Variants in PDZD2 observed in about 807,000 individuals in gnomAD.
PDZD2 encodes PDZ domain containing 2, also known as PDZ domain-containing protein 2.
PDZD2 carries 90 observed loss-of-function variants against 220.7 expected under a neutral mutation model. That is an observed-to-expected ratio of 0.41 (90% CI 0.34 to 0.49). PDZD2 has a LOEUF of 0.49. Ranked by LOEUF, PDZD2 falls within the 20% of genes least tolerant of loss-of-function variation. PDZD2 has a pLI of 0.28. For missense variants in PDZD2, 3,174 were observed against 3,608.5 expected, an observed-to-expected ratio of 0.88 and a Z score of 3.08; for synonymous variants, 1,375 against 1,450.5, an observed-to-expected ratio of 0.95 and a Z score of 1.18.
intron 7 of PDZD2, among the ~76,000 whole-genome samples, chr5:32,042,260 TA>T (rs767070006): frequency 2.4e-3 from 182 of 77,086 alleles, no homozygotes; most frequent in Middle Eastern, 0.013. Flanking sequence ...AGACTCTGTC[TA>T]AAAAAAAAAA....
intron 2 of PDZD2, among the ~76,000 whole-genome samples, chr5:31,888,676 C>T (rs1165557940): frequency 6.6e-6 from 1 of 152,180 alleles, no homozygotes; most frequent in Non-Finnish European, 1.5e-5. Flanking sequence ...ATGTCCTAAA[C>T]ACAGAGGGTA....
Position 32,002,671 on chromosome 5 carries a change from AC to A in PDZD2, c.1254+2401del, listed in dbSNP as rs1359929217. On this transcript the variant is annotated intron_variant, in intron 5 of 24. Coordinates refer to ENST00000438447, the MANE Select transcript of PDZD2 (RefSeq NM_178140.4). ...ACCCCACATACTACACACACACACC[AC>A]ACACACACCAACACACACCACACAC... Among the ~76,000 whole-genome samples, 4 of 119,058 alleles carry A rather than the reference AC, an allele frequency of 3.4e-5. No individual in the cohort carries two copies. In the South Asian group the frequency reaches 8.9e-4, roughly 26 times the overall value. 78.1% of individuals were successfully genotyped at this position (119,058 alleles called of 152,430 possible). A position where few individuals can be genotyped will look rare whatever the true frequency, so the allele number is the denominator to read the frequency against.
intron 2 of PDZD2, among the ~76,000 whole-genome samples, chr5:31,865,400 C>T (rs552866282): frequency 6.6e-6 from 1 of 151,828 alleles, no homozygotes; most frequent in Admixed American, 6.6e-5. Context: ...GCAGCCTCGA[C>T]CTCTCAGGCC....
intron 2 of PDZD2, among the ~76,000 whole-genome samples, chr5:31,801,472 G>A (rs1011268467): frequency 1.3e-5 from 2 of 152,178 alleles, no homozygotes; most frequent in Non-Finnish European, 2.9e-5. Flanking sequence ...CATGGAGCTG[G>A]AGATAGTTCT....
At chr5:31,736,041 A>T (rs1167765284) in intron 1 of PDZD2, among the ~76,000 whole-genome samples, 1 of 152,176 alleles carries the variant, frequency 6.6e-6, no homozygotes, top group Non-Finnish European at 1.5e-5. Flanking sequence ...AGGTGGTCCT[A>T]TCTGGGGGCA....
rs1000571528 is a variant in PDZD2 at position 32,046,638 on chromosome 5, T to C, written c.1520-1901T>C. 1.4e-4 allele frequency among the ~76,000 whole-genome samples: 22 copies of C among 152,218 alleles called. 1 individual carries two copies. Among genetic ancestry groups the C allele is most frequent in the African/African-American group, 3.9e-4 (16 of 41,448 alleles). On this transcript the variant is annotated intron_variant, in intron 7 of 24. Transcript: ENST00000438447. The stretch of plus-strand genomic sequence containing the variant: ...ACTGTACTACATTAAAATTTTGAAC[T>C]GTTTTTTCAAAATATACATTAAGAC...
chr5:32,053,126 G>T (rs1738745674), intron 9 of PDZD2, among the ~76,000 whole-genome samples: 1 of 152,228 alleles, frequency 6.6e-6, no homozygotes, highest in Non-Finnish European at 1.5e-5. Flanking sequence ...AGATGGCCAT[G>T]CCCTCTTTGC....
chr5:31,656,366 G>A (rs554157221), intron 1 of PDZD2, among the ~76,000 whole-genome samples: 51 of 152,166 alleles, frequency 3.4e-4, no homozygotes, highest in Non-Finnish European at 5.7e-4. Flanking sequence ...CCTAGCACAT[G>A]TTGCTTTGTT....
intron 2 of PDZD2, among the ~76,000 whole-genome samples, chr5:31,948,199 T>A (rs181011068): frequency 1.4e-4 from 22 of 152,274 alleles, no homozygotes; most frequent in African/African-American, 4.6e-4. Flanking sequence ...GCCCTTTTTG[T>A]GGTGGCTTTC....
At position 32,058,013 on chromosome 5, in the gene PDZD2, G is replaced by T. The variant is rs779453548; in HGVS notation, c.2110G>T (p.Gly704Ter). 1 of 1,612,550 alleles carries T rather than the reference G, an allele frequency of 6.2e-7. No homozygotes were observed. The highest frequency in any genetic ancestry group is 1.1e-5 in the South Asian group (1 of 91,056). Reference sequence around the variant, plus strand: ...CAATACCAGTGGGGGAGCCTCAGCGGGAGGTTCCGATGAAGGCAGTTCTTC... The same window carrying T: ...CAATACCAGTGGGGGAGCCTCAGCGTGAGGTTCCGATGAAGGCAGTTCTTC... ...NFNTSGGASA[G>*]GSDEGSSSSL... is the part of the protein sequence containing the mutation. The change falls in exon 12 of 25, where the codon GGA becomes TGA. Residue 704 changes from glycine (G) to a stop codon, truncating the protein, a stop_gained. Transcript: ENST00000438447. LOFTEE classifies it high-confidence loss of function.
In PDZD2 at chr5:32,089,911, G is replaced by A. The variant is rs767483106; in HGVS notation, c.6463G>A (p.Glu2155Lys). ...SSLPSHASQA[E>K]QEMSRSFSMA... ...ACTCCCATCTCATGCCTCCCAGGCA[G>A]AGCAGGAAATGTCACGATCATTCAG... Residue 2155 changes from glutamate (E) to lysine (K), a missense_variant, in exon 20 of 25, where the codon GAG (glutamate) becomes AAG (lysine). Around this residue, in one of 4 missense-constraint regions of PDZD2, gnomAD observed 1,861 missense variants for 2,001.0 expected, o/e 0.93. Coordinates refer to ENST00000438447, the MANE Select transcript of PDZD2 (RefSeq NM_178140.4). 1.9e-5 allele frequency: 31 copies of A among 1,612,460 alleles called. No homozygotes were observed. Among genetic ancestry groups the A allele is most frequent in the Admixed American group, 8.3e-5 (5 of 59,896 alleles).
intron 1 of PDZD2, among the ~76,000 whole-genome samples, chr5:31,792,242 G>A (rs1038595052): frequency 1.3e-5 from 2 of 152,162 alleles, no homozygotes; most frequent in Non-Finnish European, 2.9e-5. Flanking sequence ...GTGCTGGCCT[G>A]GTTAAGTCAG....
intron 1 of PDZD2, among the ~76,000 whole-genome samples, chr5:31,704,682 A>C (rs937136102): frequency 1.3e-5 from 2 of 152,208 alleles, no homozygotes; most frequent in Non-Finnish European, 2.9e-5. Context: ...CCCCATGCTA[A>C]ATGATGAATG....
chr5:32,086,243 C>G (rs1742435313), intron 19 of PDZD2, among the ~76,000 whole-genome samples: 1 of 152,192 alleles, frequency 6.6e-6, no homozygotes, highest in South Asian at 2.1e-4. Context: ...TCATTCACAT[C>G]CCCCAGTGTG....
At position 31,849,967 on chromosome 5, in the gene PDZD2, TATATATATATACATATATATATATACAC is replaced by T. The variant is rs1561507399; in HGVS notation, c.476+50255_476+50282del. ...ATATATACATATATATATATACACA[TATATATATATACATATATATATATACAC>T]ATATATATATATACACACACACGTA... is the stretch of plus-strand genomic sequence containing the variant. On this transcript the variant is annotated intron_variant, in intron 2 of 24. Coordinates refer to ENST00000438447, the MANE Select transcript of PDZD2 (RefSeq NM_178140.4). 2.9e-4 allele frequency among the ~76,000 whole-genome samples: 5 copies of T among 17,100 alleles called. 1 individual carries two copies. Among genetic ancestry groups the T allele is most frequent in the African/African-American group, 1.2e-3 (3 of 2,496 alleles). The allele number at this position is 17,100 out of a possible 152,430, so 11.2% of individuals were successfully genotyped here.
At chr5:31,679,503 T>C (rs1746571228) in intron 1 of PDZD2, among the ~76,000 whole-genome samples, 1 of 152,154 alleles carries the variant, frequency 6.6e-6, no homozygotes, top group African/African-American at 2.4e-5. Flanking sequence ...CATTTTTTAT[T>C]TTTGTTTTAT....
At chr5:31,834,248 C>T (rs190996209) in intron 2 of PDZD2, among the ~76,000 whole-genome samples, 1 of 152,306 alleles carries the variant, frequency 6.6e-6, no homozygotes, top group Admixed American at 6.5e-5. Context: ...GAGCACCTGC[C>T]CTGCTCTCCT....
In PDZD2 at chr5:32,072,291, A is replaced by T; in HGVS notation, c.2699A>T (p.Glu900Val). 6.2e-7 allele frequency: 1 copy of T among 1,613,534 alleles called. No homozygotes were observed. ...HPGSGCSTSE[E>V]GSLPPSTSTH... ...GGAAGTGGCTGCAGCACGTCGGAGG[A>T]GGGCAGCCTGCCTCCCAGCACCTCC... Residue 900 changes from glutamate (E) to valine (V), a missense_variant, in exon 17 of 25, where the codon GAG becomes GTG. Physicochemically the swap from Glu to Val is moderately radical, Grantham distance 121 (BLOSUM62 -2). Around this residue, in one of 4 missense-constraint regions of PDZD2, gnomAD observed 1,861 missense variants for 2,001.0 expected, o/e 0.93. Coordinates refer to ENST00000438447, the MANE Select transcript of PDZD2 (RefSeq NM_178140.4).
chr5:31,712,916 A>G (rs1748212487), intron 1 of PDZD2, among the ~76,000 whole-genome samples: 1 of 152,180 alleles, frequency 6.6e-6, no homozygotes, highest in Non-Finnish European at 1.5e-5. Flanking sequence ...AAAACTCCTG[A>G]CTGCAGGAGT....
Sources: gnomAD v4.1 joint callset for allele counts (sites outside exome capture counted in the v4.1 genomes callset) on GRCh38, gnomAD v4.1.1 for gene constraint, gnomAD v4.1.1 regional missense constraint, MANE v1.5 for transcripts, NCBI Gene and HGNC (gene_info 2026-07-23, HGNC 2026-07-21) for gene names.